The following SYNE1 variants were observed in gnomAD, a reference collection of about 807,000 sequenced individuals.
SYNE1 encodes nesprin-1.
In SYNE1, 616 loss-of-function variants were observed where a neutral mutation model predicts 1,111.0. The ratio of observed to expected loss-of-function variants is 0.55; its 90% CI spans 0.52 to 0.59. The LOEUF is 0.59. Ranked by LOEUF, SYNE1 falls within the 20% of genes least tolerant of loss-of-function variation. The pLI is 0.00. For synonymous variants in SYNE1, 3,855 were observed against 3,825.8 expected (o/e 1.01, Z -0.28); for missense variants, 10,006 against 10,417.0 (o/e 0.96, Z 1.72).
chr6:152,341,000 C>A (rs1400230726), intron 74 of SYNE1, among the ~76,000 whole-genome samples: 1 of 152,156 alleles, frequency 6.6e-6, no homozygotes, highest in Non-Finnish European at 1.5e-5. Flanking sequence ...AGTTGACTTC[C>A]AGGATTTTCC....
At chr6:152,536,447 AT>A (rs2099242598) in intron 4 of SYNE1, among the ~76,000 whole-genome samples, 1 of 101,586 alleles carries the variant, frequency 9.8e-6, no homozygotes, top group Non-Finnish European at 2.3e-5. Context: ...ATATATAGTA[AT>A]ATATATTTAT....
intron 3 of SYNE1, among the ~76,000 whole-genome samples, chr6:152,602,222 TA>T (rs1321896830): frequency 6.6e-6 from 1 of 152,120 alleles, no homozygotes; most frequent in Non-Finnish European, 1.5e-5. Context: ...TATTTAGAGA[TA>T]AAAGTCTTTC....
At chr6:152,414,704 T>C (rs1015534371) in intron 41 of SYNE1, among the ~76,000 whole-genome samples, 2 of 152,190 alleles carry the variant, frequency 1.3e-5, no homozygotes, top group African/African-American at 4.8e-5. Context: ...TTGTGGGTAC[T>C]GATGTGGCTC....
At position 152,145,505 on chromosome 6, in the gene SYNE1, C is replaced by A. The variant is rs768759092; in HGVS notation, c.24977-1740G>T. 3.7e-6 allele frequency: 6 copies of A among 1,614,004 alleles called. No individual in the cohort carries two copies. The highest frequency in any genetic ancestry group is 5.1e-6 in the Non-Finnish European group (6 of 1,179,998). On this transcript the variant is annotated intron_variant, in intron 137 of 145. Coordinates refer to ENST00000367255, the MANE Select transcript of SYNE1 (RefSeq NM_182961.4). Reference sequence around the variant, plus strand: ...TGCCTACCGGAGGTATTTTTGATTGCATTTTCTGTGAGTTTTACATAGGCC... The same window carrying A: ...TGCCTACCGGAGGTATTTTTGATTGAATTTTCTGTGAGTTTTACATAGGCC...
At chr6:152,321,190 A>C (rs1434575914) in intron 84 of SYNE1, 48 bp downstream of exon 84, 2 of 1,607,350 alleles carry the variant, frequency 1.2e-6, no homozygotes, top group Non-Finnish European at 1.7e-6. Context: ...AAGAGGACTG[A>C]CCCTATAAAC....
Position 152,391,258 on chromosome 6 carries a change from T to C in SYNE1, c.8004+19A>G, listed in dbSNP as rs1437893678. The C allele has an allele frequency of 3.7e-6, 6 of 1,613,786 alleles. No individual in the cohort carries two copies. The highest frequency in any genetic ancestry group is 5.1e-6 in the Non-Finnish European group (6 of 1,179,984). On this transcript the variant is annotated intron_variant, in intron 52 of 145. Coordinates refer to ENST00000367255, the MANE Select transcript of SYNE1 (RefSeq NM_182961.4). ...TTAGCATTCAGCAGTTGTCAGTGTC[T>C]GGCTGGTGTCGCATGTACCTGTATT... is the stretch of plus-strand genomic sequence containing the variant.
At chr6:152,433,574 TTGAA>T in intron 34 of SYNE1, 3 of 570,780 alleles carry the variant, frequency 5.3e-6, no homozygotes, top group South Asian at 2.3e-5. Context: ...AATATTAACT[TTGAA>T]TGCACAAGTC....
At chr6:152,308,256 G>A (rs544041935) in intron 91 of SYNE1, among the ~76,000 whole-genome samples, 1 of 152,260 alleles carries the variant, frequency 6.6e-6, no homozygotes, top group South Asian at 2.1e-4. Context: ...GGGTCCCAAA[G>A]GATATAATAC....
In SYNE1 at chr6:152,398,647, A is replaced by T; in HGVS notation, c.7322T>A (p.Val2441Asp). 6.2e-7 allele frequency: 1 copy of T among 1,613,962 alleles called. No individual in the cohort carries two copies. Among genetic ancestry groups the T allele is most frequent in the South Asian group, 1.1e-5 (1 of 91,084 alleles). ...AAGATCATGGAGCTTTGCTTCTAGA[A>T]CTTTGCTGTCACCGGTGCGATCTGA... ...ESSDRTGDSK[V>D]LEAKLHDLQN... Residue 2441 changes from valine to aspartate, a missense_variant, in exon 49 of 146, where the codon GTT becomes GAT. Physicochemically the swap from Val to Asp is radical, Grantham distance 152 (BLOSUM62 -3). This residue lies in a region of SYNE1 where 4,955 missense variants were observed against 5,017.2 expected (regional missense o/e 0.99). Transcript: ENST00000367255.
intron 95 of SYNE1, among the ~76,000 whole-genome samples, chr6:152,287,484 G>A (rs1218704749): frequency 3.3e-5 from 5 of 152,026 alleles, no homozygotes; most frequent in African/African-American, 1.2e-4. Context: ...AGACTGTCCT[G>A]GTTATTCTTT....
intron 65 of SYNE1, among the ~76,000 whole-genome samples, chr6:152,358,962 T>C (rs770860421): frequency 1.3e-5 from 2 of 152,216 alleles, no homozygotes; most frequent in East Asian, 3.8e-4. Context: ...GAGGACTAAA[T>C]GAAGAATGAT....
At chr6:152,475,490 G>A (rs1243771874) in intron 14 of SYNE1, among the ~76,000 whole-genome samples, 2 of 152,136 alleles carry the variant, frequency 1.3e-5, no homozygotes, top group African/African-American at 4.8e-5. Context: ...ATTGCTGAAT[G>A]TATATTGCTT....
In SYNE1 at chr6:152,242,394, C is replaced by A; in HGVS notation, c.19739G>T (p.Gly6580Val). The change falls in exon 107 of 146, where the codon GGT becomes GTT. Residue 6580 changes from glycine (G) to valine (V), a missense_variant. Physicochemically the swap from Gly to Val is moderately radical, Grantham distance 109 (BLOSUM62 -3). Coordinates refer to ENST00000367255, the MANE Select transcript of SYNE1 (RefSeq NM_182961.4). The part of the protein sequence containing the change: ...LMMIIGSRRS[G>V]LNQNLTLKSQ... ...CTTGAGTGTAAGGTTCTGATTCAGA[C>A]CACTCCTCCGGGAGCCAATGATCAT... 1.2e-6 allele frequency: 2 copies of A among 1,614,040 alleles called. No homozygotes were observed. Among genetic ancestry groups the A allele is most frequent in the African/African-American group, 1.3e-5 (1 of 75,006 alleles).
At chr6:152,205,889 G>A (rs1408693997) in intron 126 of SYNE1, among the ~76,000 whole-genome samples, 2 of 152,158 alleles carry the variant, frequency 1.3e-5, no homozygotes, top group Non-Finnish European at 2.9e-5. Context: ...ACATGGCTAA[G>A]GTTTCATACT....
intron 3 of SYNE1, among the ~76,000 whole-genome samples, chr6:152,606,571 C>T (rs2099615233): frequency 6.6e-6 from 1 of 152,172 alleles, no homozygotes; most frequent in African/African-American, 2.4e-5. Flanking sequence ...TAGAAGAGCA[C>T]ACAAATGCAA....
intron 6 of SYNE1, 44 bp from the exon 7 acceptor site, chr6:152,511,147 T>C: frequency 1.3e-6 from 2 of 1,520,576 alleles, no homozygotes; most frequent in East Asian, 2.3e-5. Context: ...ACTAGAATAT[T>C]ATAACTCATT....
chr6:152,401,111 A>G (rs1457326079), intron 47 of SYNE1, 27 bp downstream of exon 47: 1 of 1,604,260 alleles, frequency 6.2e-7, no homozygotes, highest in Non-Finnish European at 8.5e-7. Flanking sequence ...TTTGAATGGA[A>G]GCACTTAATG....
intron 130 of SYNE1, among the ~76,000 whole-genome samples, chr6:152,174,361 T>C (rs139571854): frequency 1.3e-4 from 20 of 152,342 alleles, no homozygotes; most frequent in Non-Finnish European, 1.9e-4. Context: ...TATACATTTG[T>C]TGAAACTCCG....
At chr6:152,167,893 T>G (rs1306432006) in intron 130 of SYNE1, 1 of 744,292 alleles carries the variant, frequency 1.3e-6, no homozygotes, top group African/African-American at 1.7e-5. Flanking sequence ...ATAAAGTCCA[T>G]TAACCTTTTT....
Sources: gnomAD v4.1 joint callset for allele counts (sites outside exome capture counted in the v4.1 genomes callset) on GRCh38, gnomAD v4.1.1 for gene constraint, gnomAD v4.1.1 regional missense constraint, MANE v1.5 for transcripts, NCBI Gene and HGNC (gene_info 2026-07-23, HGNC 2026-07-21) for gene names.